GALM: variants seen among roughly 807,000 people sequenced by gnomAD.
GALM encodes aldose 1-epimerase.
A neutral mutation model predicts 37.4 loss-of-function variants in GALM; 43 were observed. That is an observed-to-expected ratio of 1.15 (90% CI 0.90 to 1.48). The LOEUF is 1.48. Among genes scored for constraint, GALM ranks in the 40% most tolerant of loss-of-function variants. The probability of loss-of-function intolerance (pLI) is 0.00; values close to 1 mark genes in which losing one functional copy is unlikely to be tolerated. For synonymous variants in GALM, 199 were observed against 170.6 expected (o/e 1.17, Z -1.30); for missense variants, 456 against 419.1 (o/e 1.09, Z -0.77).
intron 5 of GALM, 81 bp downstream of exon 5, chr2:38,729,778 C>A: frequency 8.5e-7 from 1 of 1,176,038 alleles, no homozygotes; most frequent in Non-Finnish European, 1.2e-6. Flanking sequence ...TTCCTCTGGC[C>A]ATATCAATAG....
intron 3 of GALM, among the ~76,000 whole-genome samples, chr2:38,681,714 TTCAGAC>T: frequency 6.6e-6 from 1 of 152,256 alleles, no homozygotes; most frequent in Non-Finnish European, 1.5e-5. Context: ...TCCCGTTTGC[TTCAGAC>T]AAGTAACTAG....
chr2:38,704,067 A>G (rs1453901667), intron 4 of GALM, among the ~76,000 whole-genome samples: 1 of 151,792 alleles, frequency 6.6e-6, no homozygotes, highest in African/African-American at 2.4e-5. Flanking sequence ...AAAATAAAAT[A>G]AATTCTATGT....
chr2:38,729,585 T>A lies in GALM; in HGVS notation c.664T>A (p.Phe222Ile). ...AGTTGCCCCAGTGCAAGGCACTGCA[T>A]TCGACCTGAGAAAGCCAGTGGAGCT... is the stretch of plus-strand genomic sequence containing the variant. ...GEVAPVQGTA[F>I]DLRKPVELGK... The change falls in exon 5 of 7, where the codon TTC becomes ATC. Residue 222 changes from phenylalanine to isoleucine, a missense_variant. Coordinates refer to ENST00000272252, the MANE Select transcript of GALM (RefSeq NM_138801.3). 1 of 1,613,652 alleles carries A rather than the reference T, an allele frequency of 6.2e-7. No homozygotes were observed. Among genetic ancestry groups the A allele is most frequent in the South Asian group, 1.1e-5 (1 of 91,078 alleles).
rs1034886694 is a variant in GALM at position 38,731,784 on chromosome 2, C to T, written c.826C>T (p.Pro276Ser). ...GRVLEVYTTQ[P>S]GVQFYTGNFL... Reference sequence around the variant, plus strand: ...GGTACTAGAAGTATACACCACCCAGCCCGGGGTCCAGTTTTACACGGGCAA... The same window carrying T: ...GGTACTAGAAGTATACACCACCCAGTCCGGGGTCCAGTTTTACACGGGCAA... The change falls in exon 6 of 7, where the codon CCC becomes TCC. Residue 276 changes from proline (P) to serine (S), a missense_variant. Coordinates refer to ENST00000272252, the MANE Select transcript of GALM (RefSeq NM_138801.3). 8.1e-6 allele frequency: 13 copies of T among 1,613,880 alleles called. No homozygotes were observed. Among genetic ancestry groups the T allele is most frequent in the Non-Finnish European group, 8.5e-6 (10 of 1,179,914 alleles).
chr2:38,727,594 G>T (rs955096966), intron 4 of GALM, among the ~76,000 whole-genome samples: 1 of 151,916 alleles, frequency 6.6e-6, no homozygotes, highest in Non-Finnish European at 1.5e-5. Context: ...GGGCATGATG[G>T]TGCGTGCCTG....
chr2:38,688,197 G>T (rs964082966), intron 3 of GALM, among the ~76,000 whole-genome samples: 2 of 147,706 alleles, frequency 1.4e-5, no homozygotes, highest in Non-Finnish European at 3.0e-5. Flanking sequence ...GGGCGACAGA[G>T]TGAGACTCCG....
intron 6 of GALM, among the ~76,000 whole-genome samples, chr2:38,733,113 CT>C (rs1666639766): frequency 6.7e-6 from 1 of 150,042 alleles, no homozygotes; most frequent in African/African-American, 2.5e-5. Context: ...CCCAGCTACT[CT>C]GGAGGCTGAG....
chr2:38,690,165 GGTGA>G (rs1284422367), intron 4 of GALM, among the ~76,000 whole-genome samples: 4 of 152,100 alleles, frequency 2.6e-5, no homozygotes, highest in Admixed American at 6.6e-5. Flanking sequence ...TTTAAAAAAT[GGTGA>G]GTAAGATAAT....
intron 4 of GALM, among the ~76,000 whole-genome samples, chr2:38,719,688 C>G (rs1333154427): frequency 6.7e-6 from 1 of 148,658 alleles, no homozygotes; most frequent in Non-Finnish European, 1.5e-5. Flanking sequence ...GCAGGAGAAT[C>G]GCTTCAACCC....
chr2:38,711,957 A>G (rs1456561554), intron 4 of GALM, among the ~76,000 whole-genome samples: 2 of 151,930 alleles, frequency 1.3e-5, no homozygotes, highest in Non-Finnish European at 2.9e-5. Context: ...GGCTGTTGTT[A>G]TCCCAGTTTT....
rs780230051 is a variant in GALM, at chr2:38,666,154, C to A, written c.-8C>A. ...GCGGGCAGTGGCTGCACACGCCAAACTTTCCCTATGGCTTCGGTGACCAGG... is the reference window on the plus strand; with the variant it reads ...GCGGGCAGTGGCTGCACACGCCAAAATTTCCCTATGGCTTCGGTGACCAGG... On this transcript the variant is annotated 5_prime_UTR_variant, in exon 1 of 7. Coordinates refer to ENST00000272252, the MANE Select transcript of GALM (RefSeq NM_138801.3). The A allele has an allele frequency of 5.3e-5, 86 of 1,607,714 alleles. No homozygotes were observed. The highest frequency in any genetic ancestry group is 6.8e-5 in the Non-Finnish European group (80 of 1,176,592).
At chr2:38,678,572 A>G (rs1216946731) in intron 2 of GALM, among the ~76,000 whole-genome samples, 1 of 152,092 alleles carries the variant, frequency 6.6e-6, no homozygotes, top group Non-Finnish European at 1.5e-5. Flanking sequence ...GGGATATTCT[A>G]TTTCTTTTTT....
chr2:38,708,890 G>C (rs1476071343), intron 4 of GALM, among the ~76,000 whole-genome samples: 1 of 152,156 alleles, frequency 6.6e-6, no homozygotes, highest in African/African-American at 2.4e-5. Flanking sequence ...ATGGTTGTCA[G>C]AGAGCAGAGG....
chr2:38,724,127 C>CA, intron 4 of GALM, among the ~76,000 whole-genome samples: 1 of 152,290 alleles, frequency 6.6e-6, no homozygotes. Flanking sequence ...CCATGTTGGC[C>CA]AGACTGGTCT....
chr2:38,688,882 G>A (rs1407924217), intron 3 of GALM, among the ~76,000 whole-genome samples: 2 of 152,068 alleles, frequency 1.3e-5, no homozygotes, highest in African/African-American at 4.8e-5. Context: ...AATGGCACGC[G>A]CGATCTTGGC....
intron 2 of GALM, among the ~76,000 whole-genome samples, chr2:38,680,605 T>C (rs1298198093): frequency 6.6e-6 from 1 of 152,078 alleles, no homozygotes; most frequent in Admixed American, 6.6e-5. Flanking sequence ...TTTTAATAAA[T>C]ATTTGTATAT....
intron 3 of GALM, among the ~76,000 whole-genome samples, chr2:38,686,276 C>CTTTCTTTCTTTCCTTCT (rs1294189123): frequency 3.0e-5 from 3 of 99,032 alleles, no homozygotes; most frequent in African/African-American, 1.3e-4. Context: ...TTCTTTCTTT[C>CTTTCTTTCTTTCCTTCT]TTATTTTGAG....
At chr2:38,728,392 C>CA (rs11464719) in intron 4 of GALM, among the ~76,000 whole-genome samples, 78,166 of 140,872 alleles carry the variant, frequency 0.55, 20,259 homozygotes, top group East Asian at 0.81. Flanking sequence ...AACTCTGTCT[C>CA]AAAAAAAAAA....
At chr2:38,729,137 A>G (rs2148459316) in intron 4 of GALM, among the ~76,000 whole-genome samples, 1 of 151,954 alleles carries the variant, frequency 6.6e-6, no homozygotes, top group Admixed American at 6.6e-5. Context: ...ACCTGAGCCC[A>G]TACTCCCATA....
Sources: gnomAD v4.1 joint callset for allele counts (sites outside exome capture counted in the v4.1 genomes callset) on GRCh38, gnomAD v4.1.1 for gene constraint, MANE v1.5 for transcripts, NCBI Gene and HGNC (gene_info 2026-07-23, HGNC 2026-07-21) for gene names.